Variants in NDUFAF2 observed in about 807,000 individuals in gnomAD.
The protein encoded by NDUFAF2 is NADH:ubiquinone oxidoreductase complex assembly factor 2.
In NDUFAF2, 13 loss-of-function variants were observed where a neutral mutation model predicts 22.8. The ratio of observed to expected loss-of-function variants is 0.57; its 90% CI spans 0.37 to 0.91. The LOEUF (loss-of-function observed/expected upper bound fraction) is 0.91. Ranked by LOEUF, NDUFAF2 falls within the 40% of genes least tolerant of loss-of-function variation. The pLI is 0.01. For synonymous variants in NDUFAF2, 53 were observed against 64.2 expected (o/e 0.83, Z 0.84); for missense variants, 162 against 195.2 (o/e 0.83, Z 1.01).
intron 3 of NDUFAF2, among the ~76,000 whole-genome samples, chr5:61,135,233 T>G (rs1375346135): frequency 6.6e-6 from 1 of 152,004 alleles, no homozygotes; most frequent in Non-Finnish European, 1.5e-5. Flanking sequence ...TCTCAGACTA[T>G]GAACTTTTTA....
At position 61,005,249 on chromosome 5, in the gene NDUFAF2, C is replaced by T. The variant is rs1231280256; in HGVS notation, c.127+59867C>T. ...GATGGTTTCTAGCTTCATCCATGTCCCTACAAAGGACATGAAATCATCCTT... is the reference window on the plus strand; with the variant it reads ...GATGGTTTCTAGCTTCATCCATGTCTCTACAAAGGACATGAAATCATCCTT... On this transcript the variant is annotated intron_variant, in intron 1 of 3. Coordinates refer to ENST00000296597, the MANE Select transcript of NDUFAF2 (RefSeq NM_174889.5). Among the ~76,000 whole-genome samples the T allele has an allele frequency of 2.0e-5, 3 of 152,092 alleles. No homozygotes were observed. The East Asian group carries it at 5.8e-4, about 29-fold the overall frequency.
chr5:60,972,248 T>G (rs541180888), intron 1 of NDUFAF2, among the ~76,000 whole-genome samples: 1 of 152,058 alleles, frequency 6.6e-6, no homozygotes, highest in South Asian at 2.1e-4. Context: ...GCCCATTTTT[T>G]TTTTTTTTTA....
intron 3 of NDUFAF2, among the ~76,000 whole-genome samples, chr5:61,132,248 G>A (rs1211402431): frequency 6.6e-6 from 1 of 152,160 alleles, no homozygotes; most frequent in East Asian, 1.9e-4. Context: ...AACAGTACCT[G>A]GCTCAGAGTT....
intron 3 of NDUFAF2, among the ~76,000 whole-genome samples, chr5:61,136,749 GC>G (rs1273788143): frequency 3.9e-5 from 6 of 152,204 alleles, no homozygotes; most frequent in Non-Finnish European, 7.3e-5. Flanking sequence ...GGGCAAACGA[GC>G]TCAGTTTTGC....
chr5:61,103,327 G>A (rs1365530497), intron 3 of NDUFAF2, among the ~76,000 whole-genome samples: 1 of 151,884 alleles, frequency 6.6e-6, no homozygotes, highest in Non-Finnish European at 1.5e-5. Flanking sequence ...CCATCAACTG[G>A]CATACTCCTG....
intron 1 of NDUFAF2, among the ~76,000 whole-genome samples, chr5:61,072,818 T>C (rs1752316522): frequency 6.6e-6 from 1 of 152,146 alleles, no homozygotes; most frequent in Admixed American, 6.5e-5. Context: ...CCCAGGTTGA[T>C]CTTGAACTCC....
In NDUFAF2 at chr5:61,099,007, C is replaced by G. The variant is rs747582929; in HGVS notation, c.233C>G (p.Thr78Arg). 6.9e-6 allele frequency: 11 copies of G among 1,599,092 alleles called. No individual in the cohort carries two copies. The highest frequency in any genetic ancestry group is 9.4e-6 in the Non-Finnish European group (11 of 1,168,994). Residue 78 changes from threonine (T) to arginine (R), a missense_variant, in exon 3 of 4, where the codon ACA becomes AGA. Thr to Arg is a moderately conservative substitution (Grantham distance 71). Transcript: ENST00000296597. Reference protein sequence around the residue: ...PTEWEAWIRRTRKTPPTMEEI... With the variant: ...PTEWEAWIRRRRKTPPTMEEI... ...TTCTTTCTAGCTTGGATTAGAAGAA[C>G]AAGAAAGACTCCACCTACTATGGAG...
At chr5:61,048,920 A>G (rs528265796) in intron 1 of NDUFAF2, among the ~76,000 whole-genome samples, 62 of 152,248 alleles carry the variant, frequency 4.1e-4, no homozygotes, top group African/African-American at 1.4e-3. Flanking sequence ...AATGGGGCGC[A>G]CTTTTTCAGG....
At chr5:60,973,098 T>C (rs373171529) in intron 1 of NDUFAF2, among the ~76,000 whole-genome samples, 158 of 152,288 alleles carry the variant, frequency 1.0e-3, no homozygotes, top group African/African-American at 3.7e-3. Context: ...TAGGTTGTCT[T>C]GCACTCTGAT....
intron 2 of NDUFAF2, among the ~76,000 whole-genome samples, chr5:61,091,849 A>G (rs755581608): frequency 2.6e-5 from 4 of 152,092 alleles, no homozygotes; most frequent in Non-Finnish European, 4.4e-5. Context: ...TAAGTCTTTA[A>G]TCCATCTTGA....
intron 1 of NDUFAF2, among the ~76,000 whole-genome samples, chr5:61,064,028 G>A (rs1471018577): frequency 1.3e-5 from 2 of 152,094 alleles, no homozygotes; most frequent in Non-Finnish European, 2.9e-5. Flanking sequence ...ACACACATAA[G>A]CTGAAAGTAA....
intron 3 of NDUFAF2, among the ~76,000 whole-genome samples, chr5:61,099,675 A>G (rs1199172588): frequency 6.6e-6 from 1 of 151,942 alleles, no homozygotes; most frequent in East Asian, 1.9e-4. Flanking sequence ...AATTTTAAAA[A>G]TATGTAAAGA....
At chr5:61,064,959 T>C (rs1465076558) in intron 1 of NDUFAF2, among the ~76,000 whole-genome samples, 1 of 151,524 alleles carries the variant, frequency 6.6e-6, no homozygotes, top group East Asian at 1.9e-4. Flanking sequence ...AAACAAAATT[T>C]ACAAACCCTT....
chr5:61,127,778 T>G (rs1753056164), intron 3 of NDUFAF2, among the ~76,000 whole-genome samples: 2 of 152,152 alleles, frequency 1.3e-5, no homozygotes, highest in Admixed American at 1.3e-4. Flanking sequence ...AACATAGTGT[T>G]GGAAGTTCTG....
At chr5:61,089,136 T>G (rs1312839306) in intron 2 of NDUFAF2, among the ~76,000 whole-genome samples, 2 of 152,154 alleles carry the variant, frequency 1.3e-5, no homozygotes, top group Non-Finnish European at 2.9e-5. Context: ...ATTTGCATAC[T>G]CACCTTTAAT....
At chr5:61,068,646 TTTTC>T (rs762917374) in intron 1 of NDUFAF2, among the ~76,000 whole-genome samples, 11 of 152,254 alleles carry the variant, frequency 7.2e-5, no homozygotes, top group Non-Finnish European at 1.3e-4. Flanking sequence ...ATTTTCCAGA[TTTTC>T]TTCAGTGAAG....
At chr5:61,141,619 C>T (rs1459159773) in intron 3 of NDUFAF2, among the ~76,000 whole-genome samples, 1 of 152,110 alleles carries the variant, frequency 6.6e-6, no homozygotes, top group East Asian at 1.9e-4. Flanking sequence ...AGGTTTTAAT[C>T]TCTGTATCCC....
chr5:60,997,325 A>T (rs1751240346), intron 1 of NDUFAF2, among the ~76,000 whole-genome samples: 1 of 152,202 alleles, frequency 6.6e-6, no homozygotes, highest in African/African-American at 2.4e-5. Context: ...GTATTCTTAC[A>T]ACTGTATATG....
chr5:61,004,735 G>T (rs768384319), intron 1 of NDUFAF2, among the ~76,000 whole-genome samples: 1 of 151,918 alleles, frequency 6.6e-6, no homozygotes, highest in Non-Finnish European at 1.5e-5. Context: ...CATGGAAGGA[G>T]CTGTTTCAGA....
Sources: allele counts gnomAD v4.1 joint callset (sites outside exome capture counted in the v4.1 genomes callset), GRCh38; gene constraint gnomAD v4.1.1; transcripts MANE v1.5; gene names NCBI Gene and HGNC (gene_info 2026-07-23, HGNC 2026-07-21).